The following ACCSL variants were observed in gnomAD, a reference collection of about 807,000 sequenced individuals.
ACCSL encodes the protein 1-aminocyclopropane-1-carboxylate synthase homolog (inactive) like.
Under a neutral mutation model 61.7 loss-of-function variants are expected in ACCSL, and 55 were observed. That is an observed-to-expected ratio of 0.89 (90% CI 0.72 to 1.12). The LOEUF is 1.12. ACCSL is among the 50% of genes most tolerant of loss of function. The pLI, the probability that ACCSL is intolerant of heterozygous loss-of-function variation, is 0.00. For missense variants in ACCSL, 632 were observed against 698.0 expected, an observed-to-expected ratio of 0.91 and a Z score of 1.07; for synonymous variants, 258 against 264.3, an observed-to-expected ratio of 0.98 and a Z score of 0.23.
In ACCSL at chr11:44,048,280, C is replaced by G; in HGVS notation, c.244C>G (p.Leu82Val). 1 of 1,614,146 alleles carries G rather than the reference C, an allele frequency of 6.2e-7. No homozygotes were observed. Among genetic ancestry groups the G allele is most frequent in the Non-Finnish European group, 8.5e-7 (1 of 1,179,998 alleles). Reference protein sequence around the residue: ...SRLICRMINLLQSGAASGLEL... With the variant: ...SRLICRMINLVQSGAASGLEL... The stretch of plus-strand genomic sequence containing the variant: ...CTTAATATGCCGGATGATCAACCTC[C>G]TACAGTCTGGGGCCGCGAGTGGCCT... Residue 82 changes from leucine (L) to valine (V), a missense_variant, in exon 1 of 14, where the codon CTA (leucine) becomes GTA (valine). Leu to Val is a conservative substitution (Grantham distance 32). Transcript: ENST00000378832.
the ACCSL span, among the ~76,000 whole-genome samples, chr11:43,990,760 G>A: frequency 2.0e-5 from 3 of 152,030 alleles, no homozygotes; most frequent in African/African-American, 4.8e-5. Flanking sequence ...CACTGGTTTC[G>A]CCATCTCTTT....
At chr11:44,047,596 G>A (rs1952606810), upstream of ACCSL, among the ~76,000 whole-genome samples, 1 of 152,200 alleles carries the variant, frequency 6.6e-6, no homozygotes, top group African/African-American at 2.4e-5. Flanking sequence ...TGGCCCTCAG[G>A]CATTAGTTTA....
chr11:43,940,427 C>G, the ACCSL span, among the ~76,000 whole-genome samples: 1 of 151,232 alleles, frequency 6.6e-6, no homozygotes, highest in South Asian at 2.1e-4. Context: ...GCAATCTCGG[C>G]TCACTGCAAG....
chr11:44,015,857 C>T, the ACCSL span, among the ~76,000 whole-genome samples: 1 of 152,190 alleles, frequency 6.6e-6, no homozygotes, highest in South Asian at 2.1e-4. Flanking sequence ...GGCAATCACA[C>T]TAATTTCTAA....
chr11:43,943,066 G>A, the ACCSL span: 1 of 1,503,658 alleles, frequency 6.7e-7, no homozygotes, highest in Non-Finnish European at 8.9e-7. The surrounding 1 kb of genome is among the most constrained non-coding windows in gnomAD (Gnocchi z 4.8). Flanking sequence ...CTCGCTTCAA[G>A]ACGCAGCCGG....
chr11:43,935,198 C>T, the ACCSL span, among the ~76,000 whole-genome samples: 1 of 152,218 alleles, frequency 6.6e-6, no homozygotes, highest in Non-Finnish European at 1.5e-5. Context: ...ATGGGGGAAC[C>T]GTGGCTCAGA....
At chr11:43,979,284 A>G in the ACCSL span, among the ~76,000 whole-genome samples, 1 of 152,164 alleles carries the variant, frequency 6.6e-6, no homozygotes, top group Non-Finnish European at 1.5e-5. Flanking sequence ...GTGAGCTGTG[A>G]TCACACCACT....
chr11:43,960,026 T>C, the ACCSL span, among the ~76,000 whole-genome samples: 2 of 152,154 alleles, frequency 1.3e-5, no homozygotes, highest in Non-Finnish European at 2.9e-5. Flanking sequence ...TGGGACCAGC[T>C]GGGTGGTTTT....
At chr11:44,047,837 A>T (rs1297018279), upstream of ACCSL, 11 of 629,220 alleles carry the variant, frequency 1.7e-5, no homozygotes, top group East Asian at 2.5e-4. Flanking sequence ...TCATTGCCCT[A>T]AAGAGTAGGT....
the ACCSL span, among the ~76,000 whole-genome samples, chr11:44,015,549 A>G: frequency 6.6e-6 from 1 of 152,162 alleles, no homozygotes; most frequent in Admixed American, 6.5e-5. Flanking sequence ...CCAAGACAAG[A>G]AGCAACTTTA....
chr11:44,042,464 T>C, the ACCSL span, among the ~76,000 whole-genome samples: 1 of 152,168 alleles, frequency 6.6e-6, no homozygotes, highest in South Asian at 2.1e-4. Flanking sequence ...TATTTCTGTG[T>C]ACATGCTTTC....
chr11:43,988,824 T>C, the ACCSL span, among the ~76,000 whole-genome samples: 1 of 93,830 alleles, frequency 1.1e-5, no homozygotes. Context: ...TTTTTTTTTT[T>C]TTTTTTTGGA....
rs770264572 is a variant in ACCSL at position 44,050,594 on chromosome 11, C to T, written c.607C>T (p.Gln203Ter). ...DMNCIEDTLL[Q>*]YPDWRGQPFL... ...GAACTGCATTGAGGACACCTTGCTT[C>T]AGTACCCTGATTGGAGAGGGCAGCC... The change falls in exon 3 of 14, where the codon CAG (glutamine) becomes TAG (stop). Residue 203 changes from glutamine to a stop codon, truncating the protein, a stop_gained. Transcript: ENST00000378832. LOFTEE classifies it high-confidence loss of function. 17 of 1,614,120 alleles carry T rather than the reference C, an allele frequency of 1.1e-5. No individual in the cohort carries two copies. Among genetic ancestry groups the T allele is most frequent in the Non-Finnish European group, 1.4e-5 (17 of 1,180,004 alleles).
At chr11:43,954,515 AC>A in the ACCSL span, among the ~76,000 whole-genome samples, 1 of 151,496 alleles carries the variant, frequency 6.6e-6, no homozygotes, top group Admixed American at 6.6e-5. Context: ...GGCCTCCCTT[AC>A]CCTAATCTTT....
chr11:44,004,208 C>T, the ACCSL span, among the ~76,000 whole-genome samples: 44 of 151,910 alleles, frequency 2.9e-4, no homozygotes, highest in Non-Finnish European at 5.4e-4. Context: ...GGATGTGTCC[C>T]GGGCATCTAG....
the ACCSL span, among the ~76,000 whole-genome samples, chr11:43,961,096 C>T: frequency 6.6e-6 from 1 of 152,242 alleles, no homozygotes; most frequent in Non-Finnish European, 1.5e-5. Flanking sequence ...GCTGGGATTA[C>T]AGGCGTGAGC....
At chr11:44,007,742 T>G in the ACCSL span, among the ~76,000 whole-genome samples, 1 of 152,202 alleles carries the variant, frequency 6.6e-6, no homozygotes, top group Non-Finnish European at 1.5e-5. Context: ...ATAAGGATGA[T>G]TATGTATGCC....
At chr11:44,035,266 G>T in the ACCSL span, among the ~76,000 whole-genome samples, 4 of 151,922 alleles carry the variant, frequency 2.6e-5, no homozygotes, top group Non-Finnish European at 4.4e-5. Flanking sequence ...CAAGAGGGTT[G>T]TGTCTGTCTC....
the ACCSL span, chr11:43,925,029 G>C: frequency 0.17 from 29,250 of 171,920 alleles, 2,934 homozygotes; most frequent in South Asian, 0.32. Context: ...CTTTCTCTCA[G>C]ACTTTCAGCC....
Sources: gnomAD v4.1 joint callset for allele counts (sites outside exome capture counted in the v4.1 genomes callset) on GRCh38, gnomAD v4.1.1 for gene constraint, Gnocchi (gnomAD v3.1) non-coding constraint, MANE v1.5 for transcripts, NCBI Gene and HGNC (gene_info 2026-07-23, HGNC 2026-07-21) for gene names.